Variants in RAB12 observed in about 807,000 individuals in gnomAD.
The protein encoded by RAB12 is RAB12, member RAS oncogene family, also known as ras-related protein Rab-12.
In RAB12, 11 loss-of-function variants were observed where a neutral mutation model predicts 28.4. The observed-to-expected ratio is 0.39, with a 90% CI of 0.24 to 0.64. The LOEUF is 0.64. Ranked by LOEUF, RAB12 falls within the 30% of genes least tolerant of loss-of-function variation. The probability of loss-of-function intolerance (pLI) is 0.50; values close to 1 mark genes in which losing one functional copy is unlikely to be tolerated. For missense variants in RAB12, 276 were observed against 351.1 expected (o/e 0.79, Z 1.71); for synonymous variants, 138 against 145.3 (o/e 0.95, Z 0.36).
intron 1 of RAB12, among the ~76,000 whole-genome samples, chr18:8,610,369 T>A (rs2096003115): frequency 6.6e-6 from 1 of 152,260 alleles, no homozygotes; most frequent in South Asian, 2.1e-4. Context: ...GTGTGATCCC[T>A]GCGCAACCAG....
intron 1 of RAB12, among the ~76,000 whole-genome samples, chr18:8,612,693 C>CA (rs1441308852): frequency 6.6e-6 from 1 of 152,100 alleles, no homozygotes; most frequent in Non-Finnish European, 1.5e-5. Context: ...ATTTTTGAGA[C>CA]AGAGTCTTGC....
At chr18:8,615,206 T>C (rs1288065010) in intron 1 of RAB12, among the ~76,000 whole-genome samples, 1 of 152,126 alleles carries the variant, frequency 6.6e-6, no homozygotes, top group Non-Finnish European at 1.5e-5. Context: ...TGTGAATCCC[T>C]TGCAGAAATG....
In RAB12 at chr18:8,634,167, TGGTGACTCACACCTGTAATCCCAGCA is replaced by T. The variant is rs1567897356; in HGVS notation, c.714+841_714+866del. Among the ~76,000 whole-genome samples the T allele has an allele frequency of 6.5e-4, 64 of 97,722 alleles. 2 individuals carry two copies. Among genetic ancestry groups the T allele is most frequent in the South Asian group, 1.2e-3 (4 of 3,356 alleles). The allele number at this position is 97,722 out of a possible 152,430, so 64.1% of individuals were successfully genotyped here. On this transcript the variant is annotated intron_variant, in intron 3 of 5. Transcript: ENST00000649141. ...ATGTGTTAGGATTGGTGGCCAGGCA[TGGTGACTCACACCTGTAATCCCAGCA>T]CTTTGGAAGGCCAAAGCAAGAGGAT...
chr18:8,623,079 C>G (rs913854400), intron 1 of RAB12, among the ~76,000 whole-genome samples: 1 of 152,094 alleles, frequency 6.6e-6, no homozygotes, highest in African/African-American at 2.4e-5. Flanking sequence ...GTGCAGTTAA[C>G]ACAATTATCA....
intron 2 of RAB12, among the ~76,000 whole-genome samples, chr18:8,629,621 A>G (rs2096014763): frequency 6.6e-6 from 1 of 152,250 alleles, no homozygotes; most frequent in African/African-American, 2.4e-5. Context: ...GAGGCAAAGC[A>G]AATGGCTTCA....
At chr18:8,632,369 G>A (rs979688657) in intron 2 of RAB12, among the ~76,000 whole-genome samples, 1 of 151,768 alleles carries the variant, frequency 6.6e-6, no homozygotes, top group Non-Finnish European at 1.5e-5. Context: ...GTGGCTGACA[G>A]TAGTGGCTGT....
chr18:8,627,283 C>T (rs1309131067), intron 2 of RAB12, among the ~76,000 whole-genome samples: 2 of 152,126 alleles, frequency 1.3e-5, no homozygotes, highest in Non-Finnish European at 1.5e-5. Flanking sequence ...CTCAAGGAGG[C>T]GCAGTGGATT....
intron 1 of RAB12, among the ~76,000 whole-genome samples, chr18:8,612,271 G>A (rs1422910117): frequency 1.3e-5 from 2 of 152,212 alleles, no homozygotes; most frequent in Non-Finnish European, 2.9e-5. Flanking sequence ...AGGCTTCCTC[G>A]TCATTGGAAT....
At chr18:8,621,407 G>T (rs1049987220) in intron 1 of RAB12, among the ~76,000 whole-genome samples, 1 of 152,182 alleles carries the variant, frequency 6.6e-6, no homozygotes, top group Non-Finnish European at 1.5e-5. Flanking sequence ...TCCAGTCATT[G>T]CAGGCTACTT....
chr18:8,612,119 G>T (rs1020624116), intron 1 of RAB12, among the ~76,000 whole-genome samples: 3 of 152,230 alleles, frequency 2.0e-5, no homozygotes, highest in Admixed American at 6.5e-5. Context: ...TGGTAAACAG[G>T]ACATCGACTC....
intron 2 of RAB12, among the ~76,000 whole-genome samples, chr18:8,626,727 T>C (rs578132863): frequency 6.6e-6 from 1 of 152,326 alleles, no homozygotes; most frequent in African/African-American, 2.4e-5. Context: ...AAACCATTTT[T>C]CTCTTGTATA....
rs554145521 is a variant in RAB12, at chr18:8,616,352, A to G, written c.514+6399A>G. ...GGAAAGCCAAAACTACAGACCAAAAATTGTGCCCTTAATTGAGTGTGATTG... is the reference window on the plus strand; with the variant it reads ...GGAAAGCCAAAACTACAGACCAAAAGTTGTGCCCTTAATTGAGTGTGATTG... On this transcript the variant is annotated intron_variant, in intron 1 of 5. Coordinates refer to ENST00000649141, the MANE Select transcript of RAB12 (RefSeq NM_001025300.3). Among the ~76,000 whole-genome samples the G allele has an allele frequency of 4.0e-5, 6 of 151,062 alleles. No individual in the cohort carries two copies. In the South Asian group the frequency reaches 1.3e-3, roughly 32 times the overall value.
intron 2 of RAB12, among the ~76,000 whole-genome samples, chr18:8,628,376 G>GC (rs2096014038): frequency 6.6e-6 from 1 of 152,206 alleles, no homozygotes. Context: ...AATAAATCAA[G>GC]CAAAGGCACT....
At chr18:8,610,041 T>A in intron 1 of RAB12, 88 bp downstream of exon 1, 1 of 1,027,876 alleles carries the variant, frequency 9.7e-7, no homozygotes, top group Non-Finnish European at 1.5e-6. Context: ...TCATCGAGCC[T>A]GGGAGTCTTT....
intron 1 of RAB12, among the ~76,000 whole-genome samples, chr18:8,620,139 C>CTTTTTTTTTTTTTTTTTTTTTTTTTTTT (rs71165795): frequency 1.9e-5 from 1 of 53,950 alleles, no homozygotes; most frequent in African/African-American, 7.9e-5. Flanking sequence ...TTTTCTTCTT[C>CTTTTTTTTTTTTTTTTTTTTTTTTTTTT]TTTTTTTTTT....
chr18:8,610,793 A>C (rs2096003361), intron 1 of RAB12, among the ~76,000 whole-genome samples: 1 of 152,216 alleles, frequency 6.6e-6, no homozygotes, highest in Non-Finnish European at 1.5e-5. Flanking sequence ...CCCGTTCTTT[A>C]AAATAAAGGG....
intron 1 of RAB12, among the ~76,000 whole-genome samples, chr18:8,619,880 C>T (rs1215903962): frequency 1.3e-5 from 2 of 152,158 alleles, no homozygotes; most frequent in African/African-American, 2.4e-5. Context: ...CACAGTTGCT[C>T]ATGCCTATAA....
intron 3 of RAB12, 37 bp downstream of exon 3, chr18:8,633,364 T>G: frequency 2.5e-6 from 4 of 1,605,928 alleles, no homozygotes; most frequent in Non-Finnish European, 3.4e-6. Context: ...GTGAACTCTC[T>G]GCTTGTGAGT....
Position 8,609,707 on chromosome 18 carries a change from G to A in RAB12, c.268G>A (p.Glu90Lys), listed in dbSNP as rs2096002578. 2 of 1,034,824 alleles carry A rather than the reference G, an allele frequency of 1.9e-6. No individual in the cohort carries two copies. Among genetic ancestry groups the A allele is most frequent in the Non-Finnish European group, 1.2e-6 (1 of 861,434 alleles). The allele number at this position is 1,034,824 out of a possible 1,614,324, so 64.1% of individuals were successfully genotyped here. Residue 90 changes from glutamate to lysine, a missense_variant, in exon 1 of 6, where the codon GAG becomes AAG. This residue lies in a region of RAB12 where 72 missense variants were observed against 55.5 expected (regional missense o/e 1.30). Transcript: ENST00000649141. ...GGCGGGCGGCGGCGGGCGGCGGGCC[G>A]AGCGGGAGCCGCATGCGTGTATGGA... The part of the protein sequence containing the change: ...RGAGGGGRRA[E>K]REPHACMDPG...
Sources: allele counts gnomAD v4.1 joint callset (sites outside exome capture counted in the v4.1 genomes callset), GRCh38; gene constraint gnomAD v4.1.1; regional missense constraint gnomAD v4.1.1; transcripts MANE v1.5; gene names NCBI Gene and HGNC (gene_info 2026-07-23, HGNC 2026-07-21).